The following IRF2 variants were observed in gnomAD, a reference collection of about 807,000 sequenced individuals.
The protein encoded by IRF2 is interferon regulatory factor 2.
IRF2 carries 15 observed loss-of-function variants against 40.6 expected under a neutral mutation model. The ratio of observed to expected loss-of-function variants is 0.37; its 90% confidence interval spans 0.25 to 0.57. The LOEUF is 0.57. IRF2 is among the 20% of genes least tolerant of loss of function. IRF2 has a pLI of 0.77. For missense variants in IRF2, 317 were observed against 455.7 expected (o/e 0.70, Z 2.77); for synonymous variants, 151 against 165.5 (o/e 0.91, Z 0.67).
chr4:184,406,324 G>A (rs1245128076), intron 6 of IRF2, among the ~76,000 whole-genome samples: 2 of 151,804 alleles, frequency 1.3e-5, no homozygotes, highest in Non-Finnish European at 1.5e-5. Flanking sequence ...CCGCCTCCTG[G>A]GTTCAATCGA....
intron 1 of IRF2, among the ~76,000 whole-genome samples, chr4:184,437,333 G>C (rs1738118097): frequency 6.6e-6 from 1 of 151,896 alleles, no homozygotes; most frequent in African/African-American, 2.4e-5. Flanking sequence ...TGGGATTACA[G>C]GCATGAGCCA....
At chr4:184,446,878 C>T (rs1338217589) in intron 1 of IRF2, among the ~76,000 whole-genome samples, 2 of 152,070 alleles carry the variant, frequency 1.3e-5, no homozygotes, top group Non-Finnish European at 2.9e-5. Flanking sequence ...ATTGCTTGAA[C>T]CCAGGAAGTG....
chr4:184,405,227 G>C (rs1050658921), intron 6 of IRF2, among the ~76,000 whole-genome samples: 2 of 152,176 alleles, frequency 1.3e-5, no homozygotes, highest in Non-Finnish European at 1.5e-5. Flanking sequence ...CTGGGCAACA[G>C]AGTGAAACTC....
intron 6 of IRF2, among the ~76,000 whole-genome samples, chr4:184,405,817 C>T (rs761102407): frequency 6.6e-6 from 1 of 152,084 alleles, no homozygotes; most frequent in Non-Finnish European, 1.5e-5. Context: ...TATAGCCTCA[C>T]ACAAAGATGA....
chr4:184,388,809 G>A lies in IRF2; in HGVS notation c.999C>T (p.Ser333=), dbSNP rs139637849. 1.9e-4 allele frequency: 313 copies of A among 1,613,714 alleles called. 1 individual carries two copies. The African/African-American group carries it at 3.3e-3, about 17-fold the overall frequency. Residue 333 remains serine (S), a synonymous_variant, in exon 9 of 9, where the codon AGC becomes AGT. Coordinates refer to ENST00000393593, the MANE Select transcript of IRF2 (RefSeq NM_002199.4). The surrounding 1 kb of genome is among the most constrained non-coding windows in gnomAD (Gnocchi z 4.6). ...TGATATCCGATGTTTTCTTGATGAC[G>A]CTGGCCCGGGTCTCCCGGTCTGGCC... ...SSRPDRETRA[S]VIKKTSDITQ...
intron 1 of IRF2, among the ~76,000 whole-genome samples, chr4:184,446,588 G>A (rs757166270): frequency 6.6e-6 from 1 of 152,208 alleles, no homozygotes; most frequent in South Asian, 2.1e-4. Context: ...GGAAGTTACA[G>A]ATACAGAAAG....
intron 1 of IRF2, among the ~76,000 whole-genome samples, chr4:184,462,032 GTA>G (rs1739167077): frequency 6.6e-6 from 1 of 152,136 alleles, no homozygotes; most frequent in Non-Finnish European, 1.5e-5. Context: ...TAAACAGTGT[GTA>G]TGAGTTAAGT....
chr4:184,472,657 G>C (rs1175679110), intron 1 of IRF2: 1 of 152,184 alleles, frequency 6.6e-6, no homozygotes, highest in Non-Finnish European at 1.5e-5. Context: ...AGGAGCAACC[G>C]GAGGGAGGAG....
Position 184,408,164 on chromosome 4 carries a change from T to A in IRF2, c.523A>T (p.Ile175Phe), listed in dbSNP as rs139625773. 7.1e-4 allele frequency: 1,117 copies of A among 1,579,188 alleles called. 2 individuals carry two copies. The highest frequency in any genetic ancestry group is 9.4e-4 in the Non-Finnish European group (1,075 of 1,148,552). The change falls in exon 6 of 9, where the codon ATC becomes TTC. Residue 175 changes from isoleucine to phenylalanine, a missense_variant. Around this residue, in one of 2 missense-constraint regions of IRF2, gnomAD observed 262 missense variants for 334.0 expected, o/e 0.78. Transcript: ENST00000393593. This position sits in a 1 kb window ranked among gnomAD's most constrained non-coding sequence, Gnocchi z 4.9. ...AGACGTCAAAACAGTTTACCTATGA[T>A]GTTCACCGTACTATCCACTTCATTT... is the stretch of plus-strand genomic sequence containing the variant. ...IKNEVDSTVN[I>F]IVVGQSHLDS...
chr4:184,455,433 C>T (rs968802510), intron 1 of IRF2, among the ~76,000 whole-genome samples: 10 of 150,908 alleles, frequency 6.6e-5, no homozygotes, highest in Non-Finnish European at 1.0e-4. Context: ...GCATGAGCCA[C>T]CGCACTCAGC....
chr4:184,428,465 T>C (rs568443883), intron 2 of IRF2, among the ~76,000 whole-genome samples: 29 of 152,298 alleles, frequency 1.9e-4, no homozygotes, highest in Admixed American at 8.5e-4. Context: ...TGAGCAGACA[T>C]TGGAGACTCC....
At chr4:184,430,320 T>C (rs1267032248) in intron 1 of IRF2, among the ~76,000 whole-genome samples, 4 of 150,600 alleles carry the variant, frequency 2.7e-5, no homozygotes, top group African/African-American at 1.0e-4. Context: ...CCTCCTGCAG[T>C]CTGGCCCAGC....
rs1431152062 is a variant in IRF2 at position 184,395,763 on chromosome 4, GC to G, written c.694+3151del. 4.6e-5 allele frequency among the ~76,000 whole-genome samples: 7 copies of G among 152,328 alleles called. No individual in the cohort carries two copies. The East Asian group carries it at 1.4e-3, about 30-fold the overall frequency. ...AACAACGGAAAGAACCAAAGGCCAG[GC>G]TGAAAAGCCAGGCTCCAGCAAAACC... On this transcript the variant is annotated intron_variant, in intron 7 of 8. Transcript: ENST00000393593.
chr4:184,450,524 A>G (rs931207073), intron 1 of IRF2, among the ~76,000 whole-genome samples: 1 of 152,242 alleles, frequency 6.6e-6, no homozygotes, highest in South Asian at 2.1e-4. Flanking sequence ...TAGAAAGTGG[A>G]AAAATACTTT....
chr4:184,417,753 T>G (rs766566905), intron 5 of IRF2, among the ~76,000 whole-genome samples: 1 of 152,198 alleles, frequency 6.6e-6, no homozygotes, highest in Non-Finnish European at 1.5e-5. Context: ...GTCTGTAACA[T>G]AGAGTTCATA....
rs1461097311 is a variant in IRF2 at position 184,388,098 on chromosome 4, T to TC, written c.*659_*660insG. The TC allele has an allele frequency of 6.6e-6, 1 of 152,512 alleles. No individual in the cohort carries two copies. Among genetic ancestry groups the TC allele is most frequent in the African/African-American group, 2.4e-5 (1 of 41,408 alleles). The allele number at this position is 152,512 out of a possible 1,614,324, so 9.4% of individuals were successfully genotyped here. A position where few individuals can be genotyped will look rare whatever the true frequency, so the allele number is the denominator to read the frequency against. On this transcript the variant is annotated 3_prime_UTR_variant, in exon 9 of 9. Coordinates refer to ENST00000393593, the MANE Select transcript of IRF2 (RefSeq NM_002199.4). This position sits in a 1 kb window ranked among gnomAD's most constrained non-coding sequence, Gnocchi z 4.6. ...ATTCAAGCATAGCAGATTAGAAGGA[T>TC]TTTTTTTAAAGCAGTCTGAAAATGG...
intron 1 of IRF2, among the ~76,000 whole-genome samples, chr4:184,434,513 T>C (rs1418436496): frequency 6.6e-6 from 1 of 152,192 alleles, no homozygotes; most frequent in Non-Finnish European, 1.5e-5. Flanking sequence ...AACCTGTACT[T>C]CAAAGTAAGT....
intron 6 of IRF2, among the ~76,000 whole-genome samples, chr4:184,403,260 CTCTA>C (rs747860357): frequency 3.3e-5 from 5 of 152,174 alleles, no homozygotes; most frequent in African/African-American, 4.8e-5. Context: ...ACTAACCAGT[CTCTA>C]TCTGTTTCTC....
intron 5 of IRF2, among the ~76,000 whole-genome samples, chr4:184,409,112 G>A (rs188493878): frequency 1.2e-4 from 18 of 152,166 alleles, no homozygotes; most frequent in Admixed American, 2.0e-4. Context: ...CTGCTGCTAC[G>A]ATAGCAATCA....
Sources: gnomAD v4.1 joint callset for allele counts (sites outside exome capture counted in the v4.1 genomes callset) on GRCh38, gnomAD v4.1.1 for gene constraint, gnomAD v4.1.1 regional missense constraint, Gnocchi (gnomAD v3.1) non-coding constraint, MANE v1.5 for transcripts, NCBI Gene and HGNC (gene_info 2026-07-23, HGNC 2026-07-21) for gene names.